Variants in GOSR2 observed in about 807,000 individuals in gnomAD.
GOSR2 encodes 27 kDa Golgi SNARE protein.
In GOSR2, 20 loss-of-function variants were observed where a neutral mutation model predicts 27.9. The observed-to-expected ratio is 0.72, with a 90% CI of 0.50 to 1.04. The LOEUF (loss-of-function observed/expected upper bound fraction) is 1.04. Among genes scored for constraint, GOSR2 ranks in the 50% least tolerant of loss-of-function variants. GOSR2 has a pLI of 0.00. For synonymous variants in GOSR2, 91 were observed against 98.8 expected (o/e 0.92, Z 0.47); for missense variants, 261 against 270.5 (o/e 0.97, Z 0.25).
At chr17:46,946,724 A>C (rs1029952910), downstream of GOSR2, among the ~76,000 whole-genome samples, 2 of 151,138 alleles carry the variant, frequency 1.3e-5, no homozygotes, top group East Asian at 2.0e-4. Flanking sequence ...CTAGCCAGGC[A>C]AGTTGGTGTG....
chr17:46,932,295 A>T, intron 4 of GOSR2, 96 bp downstream of exon 4: 1 of 1,429,120 alleles, frequency 7.0e-7, no homozygotes, highest in South Asian at 1.1e-5. Context: ...GGGGTGTCTG[A>T]AGAAGACTGA....
downstream of GOSR2, among the ~76,000 whole-genome samples, chr17:46,943,741 G>A (rs1383169470): frequency 6.6e-6 from 1 of 152,238 alleles, no homozygotes; most frequent in African/African-American, 2.4e-5. Context: ...CTGATGCTAC[G>A]AGCCATGTGC....
intron 6 of GOSR2, among the ~76,000 whole-genome samples, chr17:46,957,267 T>G (rs2090778717): frequency 6.6e-6 from 1 of 152,106 alleles, no homozygotes; most frequent in Non-Finnish European, 1.5e-5. Flanking sequence ...TTTACATCAC[T>G]GTACACCAGC....
chr17:46,959,840 C>G (rs2090952728), intron 6 of GOSR2, among the ~76,000 whole-genome samples: 1 of 152,210 alleles, frequency 6.6e-6, no homozygotes, highest in African/African-American at 2.4e-5. Context: ...TTCTTCCCAC[C>G]ACTGGAGCTG....
chr17:46,955,946 C>G (rs1239662818), intron 6 of GOSR2, among the ~76,000 whole-genome samples: 1 of 152,170 alleles, frequency 6.6e-6, no homozygotes, highest in Non-Finnish European at 1.5e-5. Flanking sequence ...GACTCTAATT[C>G]CTTATCCCAT....
chr17:46,935,291 G>C, intron 5 of GOSR2, 122 bp downstream of exon 5: 1 of 1,571,064 alleles, frequency 6.4e-7, no homozygotes, highest in Non-Finnish European at 8.6e-7. Context: ...TGACAAGACA[G>C]AGCCCTTGAG....
chr17:46,973,601 G>A (rs575715461), intron 6 of GOSR2, among the ~76,000 whole-genome samples: 5 of 152,116 alleles, frequency 3.3e-5, no homozygotes, highest in South Asian at 2.1e-4. Flanking sequence ...GTGAGCAGGC[G>A]CTGCCTCAGA....
At chr17:46,950,413 T>A (rs1431202152) in intron 6 of GOSR2, among the ~76,000 whole-genome samples, 1 of 152,112 alleles carries the variant, frequency 6.6e-6, no homozygotes, top group Non-Finnish European at 1.5e-5. Flanking sequence ...GGGGAGAAGA[T>A]GAAGTTGCTA....
chr17:46,961,554 T>G (rs2091050656), intron 6 of GOSR2, among the ~76,000 whole-genome samples: 1 of 151,570 alleles, frequency 6.6e-6, no homozygotes, highest in South Asian at 2.1e-4. Flanking sequence ...AAGAAGCAAA[T>G]GAAAAGTGTA....
intron 6 of GOSR2, among the ~76,000 whole-genome samples, chr17:46,953,221 C>G (rs537678117): frequency 6.6e-6 from 1 of 151,824 alleles, no homozygotes; most frequent in Non-Finnish European, 1.5e-5. Context: ...CAACAGTCTC[C>G]GGTGTGTGAT....
chr17:46,943,737 C>G (rs772549485), downstream of GOSR2, among the ~76,000 whole-genome samples: 3 of 152,218 alleles, frequency 2.0e-5, no homozygotes, highest in Non-Finnish European at 2.9e-5. Context: ...GCCACTGATG[C>G]TACGAGCCAT....
At position 46,932,068 on chromosome 17, in the gene GOSR2, C is replaced by A. The variant is rs770149230; in HGVS notation, c.205C>A (p.Arg69=). Residue 69 remains arginine, a splice_region_variant and synonymous_variant, in exon 4 of 6, where the codon CGG becomes AGG. Coordinates refer to ENST00000640051, the MANE Select transcript of GOSR2 (RefSeq NM_004287.5). The part of the protein sequence containing the change: ...PPNKRQNARL[R]VDQLKYDVQH... ...AATCTCTCTCTCCATCAATTCCAGT[C>A]GGGTTGACCAGTTAAAGTATGATGT... The A allele has an allele frequency of 1.2e-6, 2 of 1,613,146 alleles. No individual in the cohort carries two copies. The highest frequency in any genetic ancestry group is 1.7e-5 in the Admixed American group (1 of 60,012).
intron 6 of GOSR2, among the ~76,000 whole-genome samples, chr17:46,949,853 C>T (rs2090198144): frequency 6.6e-6 from 1 of 152,132 alleles, no homozygotes; most frequent in Non-Finnish European, 1.5e-5. Flanking sequence ...GGCTGGAGCT[C>T]AGGCTTCAGG....
downstream of GOSR2, among the ~76,000 whole-genome samples, chr17:46,943,499 C>T (rs995957468): frequency 2.6e-5 from 4 of 152,226 alleles, no homozygotes; most frequent in Non-Finnish European, 5.9e-5. Flanking sequence ...CCCCACAATC[C>T]CATGAAACCT....
chr17:46,947,224 C>T (rs1262636764), intron 6 of GOSR2, among the ~76,000 whole-genome samples: 1 of 152,114 alleles, frequency 6.6e-6, no homozygotes, highest in Non-Finnish European at 1.5e-5. Context: ...ATTCTGTGGC[C>T]CCAGGAGTTA....
intron 6 of GOSR2, among the ~76,000 whole-genome samples, chr17:46,948,356 C>T (rs1432539180): frequency 6.6e-6 from 1 of 152,248 alleles, no homozygotes; most frequent in Non-Finnish European, 1.5e-5. Flanking sequence ...GCATAGGACC[C>T]AGGTCTGATC....
intron 5 of GOSR2, 144 bp from the exon 6 acceptor site, chr17:46,938,455 A>G: frequency 1.6e-6 from 2 of 1,287,404 alleles, no homozygotes; most frequent in Non-Finnish European, 1.1e-6. Context: ...GAGTGGCTCT[A>G]TTTCTGGCTG....
At chr17:46,952,833 T>G (rs1476907387) in intron 6 of GOSR2, 1 of 152,114 alleles carries the variant, frequency 6.6e-6, no homozygotes, top group Non-Finnish European at 1.5e-5. Flanking sequence ...CTACTTAAGC[T>G]GGTTTGCACT....
intron 6 of GOSR2, chr17:46,966,459 C>T (rs2091324640): frequency 6.5e-6 from 4 of 618,644 alleles, no homozygotes; most frequent in Non-Finnish European, 1.2e-5. Context: ...GCAATCCTCC[C>T]ATCTCAGCCT....
Sources: gnomAD v4.1 joint callset for allele counts (sites outside exome capture counted in the v4.1 genomes callset) on GRCh38, gnomAD v4.1.1 for gene constraint, MANE v1.5 for transcripts, NCBI Gene and HGNC (gene_info 2026-07-23, HGNC 2026-07-21) for gene names.